The following YIPF7 variants were observed in gnomAD, a reference collection of about 807,000 sequenced individuals.
YIPF7 encodes the protein protein YIPF7.
YIPF7 carries 35 observed loss-of-function variants against 27.2 expected under a neutral mutation model. The observed-to-expected ratio is 1.29, with a 90% CI of 0.98 to 1.70. The LOEUF (loss-of-function observed/expected upper bound fraction) is 1.70. YIPF7 is among the 40% of genes most tolerant of loss of function. YIPF7 has a pLI of 0.00. For synonymous variants in YIPF7, 137 were observed against 110.4 expected (o/e 1.24, Z -1.51); for missense variants, 358 against 303.7 (o/e 1.18, Z -1.33).
At chr4:44,639,049 A>G (rs1713237183) in intron 2 of YIPF7, among the ~76,000 whole-genome samples, 1 of 152,204 alleles carries the variant, frequency 6.6e-6, no homozygotes, top group Middle Eastern at 3.4e-3. Flanking sequence ...ATTGATCTAT[A>G]TGTCTATTTT....
At chr4:44,656,144 C>A (rs540030595), upstream of YIPF7, among the ~76,000 whole-genome samples, 73 of 151,958 alleles carry the variant, frequency 4.8e-4, no homozygotes, top group African/African-American at 1.6e-3. Flanking sequence ...ATAATTTACA[C>A]CTGAGATTAT....
intron 1 of YIPF7, among the ~76,000 whole-genome samples, chr4:44,650,737 G>C (rs919906968): frequency 2.0e-5 from 3 of 152,188 alleles, no homozygotes; most frequent in African/African-American, 7.2e-5. Flanking sequence ...CCTGCTAAGG[G>C]AAGTCTTTGT....
upstream of YIPF7, among the ~76,000 whole-genome samples, chr4:44,651,918 TC>T: frequency 6.6e-6 from 1 of 152,344 alleles, no homozygotes; most frequent in East Asian, 1.9e-4. Context: ...CAATGTCCCT[TC>T]CATTTCATGG....
chr4:44,635,446 C>T (rs762602992), intron 3 of YIPF7, among the ~76,000 whole-genome samples: 11 of 152,004 alleles, frequency 7.2e-5, no homozygotes, highest in Non-Finnish European at 1.5e-4. Context: ...TTGTATGAGT[C>T]AGGAAAGAAA....
intron 2 of YIPF7, among the ~76,000 whole-genome samples, chr4:44,639,860 C>T (rs911906905): frequency 2.0e-5 from 3 of 152,006 alleles, no homozygotes; most frequent in East Asian, 3.9e-4. Flanking sequence ...TTTTGAGGTA[C>T]ATTTCTTATA....
rs148165070 is a variant in YIPF7, at chr4:44,651,207, T to C, written c.-2+347A>G. Among the ~76,000 whole-genome samples the C allele has an allele frequency of 1.2e-3, 179 of 152,334 alleles. 1 individual carries two copies. Among genetic ancestry groups the C allele is most frequent in the African/African-American group, 4.1e-3 (169 of 41,582 alleles). ...TCAGTTCAATGAAAACACAAAAAGC[T>C]TCTCTAAAATTAGATGCAGCGATTC... On this transcript the variant is annotated intron_variant, in intron 1 of 5. Coordinates refer to ENST00000415895, the MANE Select transcript of YIPF7 (RefSeq NM_182592.3).
At chr4:44,629,748 C>T (rs1712817466) in intron 3 of YIPF7, among the ~76,000 whole-genome samples, 200 bp from the exon 4 acceptor site, 1 of 151,994 alleles carries the variant, frequency 6.6e-6, no homozygotes, top group Admixed American at 6.6e-5. Context: ...TCTTAAAAAA[C>T]AAACTAAAAA....
chr4:44,624,575 G>T, intron 5 of YIPF7, 26 bp downstream of exon 5: 1 of 1,545,684 alleles, frequency 6.5e-7, no homozygotes, highest in East Asian at 2.4e-5. Flanking sequence ...TGCATGTGGG[G>T]TCATTGAGAG....
At chr4:44,659,753 T>G (rs1484162849) in intron 2 of YIPF7, among the ~76,000 whole-genome samples, 2 of 152,156 alleles carry the variant, frequency 1.3e-5, no homozygotes, top group Non-Finnish European at 2.9e-5. Flanking sequence ...AACGTCTATA[T>G]TCCCTTGATT....
intron 4 of YIPF7, among the ~76,000 whole-genome samples, chr4:44,627,083 C>CACATCTTG (rs1333817741): frequency 2.0e-5 from 3 of 151,986 alleles, no homozygotes; most frequent in Admixed American, 2.0e-4. Flanking sequence ...CACCAGGCCC[C>CACATCTTG]ACATCTTGAT....
At chr4:44,649,014 C>A (rs930850220) in intron 2 of YIPF7, among the ~76,000 whole-genome samples, 3 of 152,100 alleles carry the variant, frequency 2.0e-5, no homozygotes, top group Non-Finnish European at 4.4e-5. Context: ...TCCGTCATGG[C>A]ATTTTTCATA....
chr4:44,632,759 G>A (rs1054238353), intron 3 of YIPF7, among the ~76,000 whole-genome samples: 1 of 151,996 alleles, frequency 6.6e-6, no homozygotes. Flanking sequence ...CATATCTTTA[G>A]ACAAAAGAGG....
intron 2 of YIPF7, among the ~76,000 whole-genome samples, chr4:44,643,306 G>T (rs1056099070): frequency 1.3e-5 from 2 of 152,106 alleles, no homozygotes; most frequent in Admixed American, 1.3e-4. Flanking sequence ...ATGGTTTAGG[G>T]CATCTACTGG....
At position 44,624,656 on chromosome 4, in the gene YIPF7, A is replaced by G; in HGVS notation, c.553T>C (p.Tyr185His). 6.2e-7 allele frequency: 1 copy of G among 1,604,110 alleles called. No individual in the cohort carries two copies. The part of the protein sequence containing the change: ...SYGCVASVLG[Y>H]CLLPMVILSG... The stretch of plus-strand genomic sequence containing the variant: ...AGGATGACCATGGGGAGCAGGCAGT[A>G]ACCCAGCACGCTGGCCACACAGCCG... The change falls in exon 5 of 6, where the codon TAC (tyrosine) becomes CAC (histidine). Residue 185 changes from tyrosine (Y) to histidine (H), a missense_variant. Tyr to His is a moderately conservative substitution (Grantham distance 83). Transcript: ENST00000415895.
At chr4:44,657,518 A>G (rs1305042552) in intron 2 of YIPF7, among the ~76,000 whole-genome samples, 2 of 152,244 alleles carry the variant, frequency 1.3e-5, no homozygotes, top group Non-Finnish European at 2.9e-5. Context: ...ATGAAGGTTT[A>G]TAAAAGGATA....
intron 1 of YIPF7, among the ~76,000 whole-genome samples, chr4:44,661,906 C>A (rs13144917): frequency 0.54 from 82,632 of 151,736 alleles, 23,428 homozygotes; most frequent in Non-Finnish European, 0.64. Flanking sequence ...CTCTAGCCAG[C>A]AGATAGAGTT....
chr4:44,658,964 A>G (rs761397154), intron 2 of YIPF7, among the ~76,000 whole-genome samples: 1 of 152,204 alleles, frequency 6.6e-6, no homozygotes, highest in Non-Finnish European at 1.5e-5. Context: ...GCGAGGACTC[A>G]GCCAAACCAT....
At chr4:44,643,834 G>A (rs1390112028) in intron 2 of YIPF7, among the ~76,000 whole-genome samples, 1 of 152,170 alleles carries the variant, frequency 6.6e-6, no homozygotes, top group Non-Finnish European at 1.5e-5. Flanking sequence ...CAGAGTGCAA[G>A]AGTTGAGGCT....
At chr4:44,656,288 T>C (rs990611830), upstream of YIPF7, among the ~76,000 whole-genome samples, 1 of 152,016 alleles carries the variant, frequency 6.6e-6, no homozygotes, top group African/African-American at 2.4e-5. Context: ...TCATAGGAAG[T>C]CTTTCCCAGG....
Sources: allele counts gnomAD v4.1 joint callset (sites outside exome capture counted in the v4.1 genomes callset), GRCh38; gene constraint gnomAD v4.1.1; transcripts MANE v1.5; gene names NCBI Gene and HGNC (gene_info 2026-07-23, HGNC 2026-07-21).